Variants in RAB27A observed in about 807,000 individuals in gnomAD.
RAB27A encodes RAB27A, member RAS oncogene family.
RAB27A carries 17 observed loss-of-function variants against 20.8 expected under a neutral mutation model. That is an observed-to-expected ratio of 0.82 (90% confidence interval 0.56 to 1.23). RAB27A has a LOEUF of 1.23. RAB27A is among the 50% of genes most tolerant of loss of function. RAB27A has a pLI of 0.00. For missense variants in RAB27A, 277 were observed against 266.7 expected, an observed-to-expected ratio of 1.04 and a Z score of -0.27; for synonymous variants, 85 against 92.8, an observed-to-expected ratio of 0.92 and a Z score of 0.48.
intron 1 of RAB27A, among the ~76,000 whole-genome samples, chr15:55,285,931 G>A (rs547647098): frequency 4.1e-4 from 63 of 152,284 alleles, no homozygotes; most frequent in African/African-American, 1.3e-3. Flanking sequence ...CTGTGGGAGG[G>A]ACCAAAATCC....
intron 2 of RAB27A, among the ~76,000 whole-genome samples, chr15:55,256,054 C>G (rs369748089): frequency 4.6e-5 from 7 of 152,118 alleles, no homozygotes; most frequent in Non-Finnish European, 1.0e-4. Flanking sequence ...ATTTTATAAA[C>G]TGTAAACTAC....
intron 2 of RAB27A, among the ~76,000 whole-genome samples, chr15:55,235,197 C>T (rs1224203037): frequency 1.2e-4 from 18 of 152,090 alleles, no homozygotes. Context: ...CAGGTAATCC[C>T]AGCACTTTGG....
At chr15:55,236,312 A>G (rs1896254782) in intron 2 of RAB27A, among the ~76,000 whole-genome samples, 1 of 152,102 alleles carries the variant, frequency 6.6e-6, no homozygotes, top group Admixed American at 6.6e-5. Flanking sequence ...TCACAAGTAA[A>G]TTTAGTCCCT....
intron 2 of RAB27A, among the ~76,000 whole-genome samples, chr15:55,309,968 C>T (rs1204799522): frequency 2.6e-5 from 4 of 151,942 alleles, no homozygotes; most frequent in African/African-American, 4.8e-5. Flanking sequence ...TAGTTTAACT[C>T]GAACAGGACG....
rs555413487 is a variant in RAB27A, at chr15:55,253,245, C to T, written c.-23+16920G>A. 9.2e-5 allele frequency among the ~76,000 whole-genome samples: 14 copies of T among 151,620 alleles called. No individual in the cohort carries two copies. The East Asian group carries it at 2.0e-3, about 21-fold the overall frequency. On this transcript the variant is annotated intron_variant, in intron 2 of 6. Transcript: ENST00000336787. ...GACAGATCACCTGAGGTCAGGTATT[C>T]GAGACCAGCCTGGCCAACATGGTGA...
chr15:55,241,622 A>ATGTG (rs1429244005), intron 2 of RAB27A, among the ~76,000 whole-genome samples: 2 of 126,838 alleles, frequency 1.6e-5, no homozygotes, highest in Non-Finnish European at 3.1e-5. Context: ...ATATATATAT[A>ATGTG]TATGTGTGTA....
At chr15:55,224,542 C>T (rs554222062) in intron 5 of RAB27A, among the ~76,000 whole-genome samples, 1 of 152,316 alleles carries the variant, frequency 6.6e-6, no homozygotes, top group East Asian at 1.9e-4. Context: ...AAGATACAGG[C>T]TTCAATGAGA....
intron 2 of RAB27A, among the ~76,000 whole-genome samples, chr15:55,252,930 C>G (rs1341523857): frequency 6.6e-6 from 1 of 151,346 alleles, no homozygotes; most frequent in East Asian, 2.0e-4. Context: ...GTCAAGAGAT[C>G]GAGACCAGCT....
At chr15:55,259,204 T>G (rs1208864399) in intron 2 of RAB27A, among the ~76,000 whole-genome samples, 1 of 152,184 alleles carries the variant, frequency 6.6e-6, no homozygotes, top group African/African-American at 2.4e-5. Context: ...CTTACTGTTT[T>G]TGGTTTGTCT....
At chr15:55,207,663 A>G (rs1162793660) in intron 6 of RAB27A, among the ~76,000 whole-genome samples, 1 of 152,066 alleles carries the variant, frequency 6.6e-6, no homozygotes, top group African/African-American at 2.4e-5. Context: ...CAAAAATGCG[A>G]CTTTTTTGTT....
chr15:55,289,013 G>A (rs1898234799), intron 1 of RAB27A: 1 of 152,282 alleles, frequency 6.6e-6, no homozygotes, highest in Non-Finnish European at 1.5e-5. Flanking sequence ...GTAGGGGTAA[G>A]GACCCTGTGG....
chr15:55,212,530 A>C (rs185517782), intron 6 of RAB27A, among the ~76,000 whole-genome samples: 1 of 128,698 alleles, frequency 7.8e-6, no homozygotes, highest in Non-Finnish European at 1.6e-5. Context: ...AGAGCAACAA[A>C]TCTTTTTTTT....
At position 55,240,612 on chromosome 15, in the gene RAB27A, G is replaced by GA. The variant is rs11333362; in HGVS notation, c.-22-5657dup. ...ATTCCAATCTATTGTTGAGAGACAG[G>GA]AAAAAAAAATGGAGGTTAAAGGCAG... is the stretch of plus-strand genomic sequence containing the variant. On this transcript the variant is annotated intron_variant, in intron 2 of 6. Transcript: ENST00000336787. 3.0e-4 allele frequency among the ~76,000 whole-genome samples: 45 copies of GA among 150,366 alleles called. 1 individual carries two copies. The highest frequency in any genetic ancestry group is 1.3e-3 in the South Asian group (6 of 4,752).
At chr15:55,244,290 G>C (rs1417742274) in intron 2 of RAB27A, among the ~76,000 whole-genome samples, 8 of 152,062 alleles carry the variant, frequency 5.3e-5, no homozygotes, top group African/African-American at 1.4e-4. Context: ...ATTCCGGCCT[G>C]GGAGACAGAG....
Position 55,205,441 on chromosome 15 carries a change from T to A in RAB27A, c.*66A>T, listed in dbSNP as rs1894593341. 6.7e-7 allele frequency: 1 copy of A among 1,484,510 alleles called. No homozygotes were observed. Among genetic ancestry groups the A allele is most frequent in the African/African-American group, 1.4e-5 (1 of 71,726 alleles). 92.0% of individuals were successfully genotyped at this position (1,484,510 alleles called of 1,614,324 possible). A position where few individuals can be genotyped will look rare whatever the true frequency, so the allele number is the denominator to read the frequency against. The stretch of plus-strand genomic sequence containing the variant: ...TGCCCATTAATCTCTCACTGTGCCA[T>A]GTATCAATCATAGAGAAGATCCCAG... On this transcript the variant is annotated 3_prime_UTR_variant, in exon 7 of 7. Transcript: ENST00000336787.
chr15:55,219,962 C>CAA (rs889404448), intron 6 of RAB27A, among the ~76,000 whole-genome samples: 3 of 144,900 alleles, frequency 2.1e-5, no homozygotes, highest in African/African-American at 2.5e-5. Flanking sequence ...CAAACAACAA[C>CAA]AAAAAAAAAA....
At chr15:55,265,746 G>A (rs1283104749) in intron 2 of RAB27A, among the ~76,000 whole-genome samples, 1 of 152,154 alleles carries the variant, frequency 6.6e-6, no homozygotes, top group Non-Finnish European at 1.5e-5. Context: ...AGGTGTAAGA[G>A]GCTAAGGTTA....
chr15:55,295,626 A>G (rs1425611784), intron 2 of RAB27A, among the ~76,000 whole-genome samples: 1 of 152,240 alleles, frequency 6.6e-6, no homozygotes, highest in Non-Finnish European at 1.5e-5. Flanking sequence ...TTCCACTTAT[A>G]TGAAACATCC....
At chr15:55,260,990 G>A (rs1186279308) in intron 2 of RAB27A, among the ~76,000 whole-genome samples, 1 of 151,750 alleles carries the variant, frequency 6.6e-6, no homozygotes, top group African/African-American at 2.4e-5. Context: ...ACTCTGGTAT[G>A]GGATGTTGAT....
Sources: gnomAD v4.1 joint callset for allele counts (sites outside exome capture counted in the v4.1 genomes callset) on GRCh38, gnomAD v4.1.1 for gene constraint, MANE v1.5 for transcripts, NCBI Gene and HGNC (gene_info 2026-07-23, HGNC 2026-07-21) for gene names.